The following SLC5A10 variants were observed in gnomAD, a reference collection of about 807,000 sequenced individuals.
The protein encoded by SLC5A10 is solute carrier family 5 member 10, also known as sodium/mannose cotransporter SLC5A10.
A neutral mutation model predicts 68.9 loss-of-function variants in SLC5A10; 55 were observed. That is an observed-to-expected ratio of 0.80 (90% CI 0.64 to 1.00). The LOEUF (loss-of-function observed/expected upper bound fraction) is 1.00, where lower values mean the gene tolerates loss of function less well. Among genes scored for constraint, SLC5A10 ranks in the 50% least tolerant of loss-of-function variants. The pLI is 0.00. For missense variants in SLC5A10, 732 were observed against 819.3 expected (o/e 0.89, Z 1.30); for synonymous variants, 344 against 344.8 (o/e 1.00, Z 0.02).
At chr17:18,990,685 G>C (rs2043395809) in intron 9 of SLC5A10, among the ~76,000 whole-genome samples, 1 of 152,220 alleles carries the variant, frequency 6.6e-6, no homozygotes. Context: ...ACTCCAAAAT[G>C]GATCCCCCCA....
intron 8 of SLC5A10, among the ~76,000 whole-genome samples, chr17:18,973,306 C>A (rs1250013801): frequency 6.6e-6 from 1 of 152,210 alleles, no homozygotes; most frequent in Non-Finnish European, 1.5e-5. Flanking sequence ...CATGTCCTGG[C>A]CTTGGGGTCA....
rs145851589 is a variant in SLC5A10, at chr17:18,959,143, C to T, written c.192C>T (p.Ala64=). The T allele has an allele frequency of 1.5e-5, 24 of 1,610,174 alleles. No homozygotes were observed. The African/African-American group carries it at 2.5e-4, about 17-fold the overall frequency. Residue 64 remains alanine, a synonymous_variant, in exon 3 of 15, where the codon GCC becomes GCT. Transcript: ENST00000395645. ...GRDMTWWPIG[A]SLFASSEGSG... ...CCCTTTCTCTCCTCCAGATTGGAGC[C>T]TCCCTCTTCGCCAGCAGCGAGGGCT...
intron 4 of SLC5A10, 43 bp downstream of exon 4, chr17:18,959,706 G>T (rs2042574315): frequency 1.3e-6 from 2 of 1,594,494 alleles, no homozygotes; most frequent in Non-Finnish European, 1.7e-6. Flanking sequence ...GCTGGGCCTT[G>T]GTCCAAGTTG....
At chr17:19,016,266 G>A (rs1192961525) in intron 11 of SLC5A10, among the ~76,000 whole-genome samples, 4 of 152,024 alleles carry the variant, frequency 2.6e-5, no homozygotes, top group Non-Finnish European at 5.9e-5. Flanking sequence ...GGCTGGTCTC[G>A]AACTCCTGAC....
Position 19,017,204 on chromosome 17 carries a change from C to G in SLC5A10, c.1241+2005C>G. ...CACCCTCTCTGGGCCCCAGTTCTCT[C>G]AGCTGCCAGCTGGATAGAGCAGAAA... On this transcript the variant is annotated intron_variant, in intron 11 of 14. Coordinates refer to ENST00000395645, the MANE Select transcript of SLC5A10 (RefSeq NM_001042450.4). The surrounding 1 kb of genome is among the most constrained non-coding windows in gnomAD (Gnocchi z 5.6). The G allele has an allele frequency of 7.6e-7, 1 of 1,315,114 alleles. No individual in the cohort carries two copies. The highest frequency in any genetic ancestry group is 1.1e-6 in the Non-Finnish European group (1 of 938,912). 81.5% of individuals were successfully genotyped at this position (1,315,114 alleles called of 1,614,324 possible).
In SLC5A10 at chr17:19,003,346, C is replaced by A. The variant is rs2043780490; in HGVS notation, c.983-10064C>A. ...GGAACCCTACCCTGCAAAGAAACTGCGGATCCCCACGAAGGTGGGGAGGAA... is the reference window on the plus strand; with the variant it reads ...GGAACCCTACCCTGCAAAGAAACTGAGGATCCCCACGAAGGTGGGGAGGAA... On this transcript the variant is annotated intron_variant, in intron 9 of 14. Transcript: ENST00000395645. This position sits in a 1 kb window ranked among gnomAD's most constrained non-coding sequence, Gnocchi z 4.5. 6.6e-6 allele frequency among the ~76,000 whole-genome samples: 1 copy of A among 151,988 alleles called. No individual in the cohort carries two copies.
At chr17:19,005,717 C>G (rs910128815) in intron 9 of SLC5A10, among the ~76,000 whole-genome samples, 2 of 152,036 alleles carry the variant, frequency 1.3e-5, no homozygotes, top group African/African-American at 4.8e-5. Context: ...GTCCACTGCC[C>G]TGGGCAATGA....
chr17:18,952,250 G>T lies in SLC5A10; in HGVS notation c.45G>T (p.Gln15His). ...GCGACCTCCACACTCCCGGGACGCAGCTGAGCGTGGCTGACATCATCGTCA... is the reference window on the plus strand; with the variant it reads ...GCGACCTCCACACTCCCGGGACGCATCTGAGCGTGGCTGACATCATCGTCA... ...STSDLHTPGT[Q>H]LSVADIIVIT... The change falls in exon 1 of 15, where the codon CAG becomes CAT. Residue 15 changes from glutamine to histidine, a missense_variant. Physicochemically the swap from Gln to His is conservative, Grantham distance 24. Coordinates refer to ENST00000395645, the MANE Select transcript of SLC5A10 (RefSeq NM_001042450.4). 1 of 1,613,948 alleles carries T rather than the reference G, an allele frequency of 6.2e-7. No individual in the cohort carries two copies.
rs1367015482 is a variant in SLC5A10, at chr17:19,003,803, T to A, written c.983-9607T>A. 6.2e-7 allele frequency: 1 copy of A among 1,612,094 alleles called. No homozygotes were observed. Among genetic ancestry groups the A allele is most frequent in the East Asian group, 2.2e-5 (1 of 44,790 alleles). On this transcript the variant is annotated intron_variant, in intron 9 of 14. Coordinates refer to ENST00000395645, the MANE Select transcript of SLC5A10 (RefSeq NM_001042450.4). The surrounding 1 kb of genome is among the most constrained non-coding windows in gnomAD (Gnocchi z 4.5). ...CTGAGAGGGGCCCGTGCCCCGAGGGTCCTCAGAGCCCGGGTCGTACACCTC... is the reference window on the plus strand; with the variant it reads ...CTGAGAGGGGCCCGTGCCCCGAGGGACCTCAGAGCCCGGGTCGTACACCTC...
chr17:18,957,493 G>A (rs979120430), intron 1 of SLC5A10, among the ~76,000 whole-genome samples: 3 of 151,752 alleles, frequency 2.0e-5, no homozygotes, highest in South Asian at 2.1e-4. Context: ...ATTTTGAGAC[G>A]GAGCCTTGCT....
At chr17:18,997,038 T>C (rs1055667873) in intron 9 of SLC5A10, among the ~76,000 whole-genome samples, 1 of 152,202 alleles carries the variant, frequency 6.6e-6, no homozygotes, top group East Asian at 1.9e-4. Flanking sequence ...CCCTTGACAT[T>C]CATCAGCTCT....
chr17:19,021,866 C>T lies in SLC5A10; in HGVS notation c.*1435C>T, dbSNP rs769503688. 26 of 1,316,228 alleles carry T rather than the reference C, an allele frequency of 2.0e-5. No individual in the cohort carries two copies. The highest frequency in any genetic ancestry group is 6.8e-5 in the Admixed American group (2 of 29,426). The allele number at this position is 1,316,228 out of a possible 1,614,324, so 81.5% of individuals were successfully genotyped here. A position where few individuals can be genotyped will look rare whatever the true frequency, so the allele number is the denominator to read the frequency against. ...CAGTCCAAGGCCGTCCACTGAGCCCCGTGTGACTCTGACAGAGCTGGGGGT... is the reference window on the plus strand; with the variant it reads ...CAGTCCAAGGCCGTCCACTGAGCCCTGTGTGACTCTGACAGAGCTGGGGGT... On this transcript the variant is annotated 3_prime_UTR_variant, in exon 15 of 15. Coordinates refer to ENST00000395645, the MANE Select transcript of SLC5A10 (RefSeq NM_001042450.4). The surrounding 1 kb of genome is among the most constrained non-coding windows in gnomAD (Gnocchi z 4.1).
At position 18,968,054 on chromosome 17, in the gene SLC5A10, CT is replaced by C. The variant is rs1741578691; in HGVS notation, c.454-995del. ...GAGGGAGAGGTACAGGAAGCACAGGCTTTGGAGCCAGATCCCATCCTGCCTG... is the reference window on the plus strand; with the variant it reads ...GAGGGAGAGGTACAGGAAGCACAGGCTTGGAGCCAGATCCCATCCTGCCTG... On this transcript the variant is annotated intron_variant, in intron 5 of 14. Coordinates refer to ENST00000395645, the MANE Select transcript of SLC5A10 (RefSeq NM_001042450.4). This position sits in a 1 kb window ranked among gnomAD's most constrained non-coding sequence, Gnocchi z 4.1. 6.6e-6 allele frequency among the ~76,000 whole-genome samples: 1 copy of C among 152,268 alleles called. No individual in the cohort carries two copies. The highest frequency in any genetic ancestry group is 1.9e-4 in the East Asian group (1 of 5,176).
chr17:19,020,847 C>T lies in SLC5A10; in HGVS notation c.*416C>T. The T allele has an allele frequency of 5.8e-6, 1 of 172,088 alleles. No homozygotes were observed. Among genetic ancestry groups the T allele is most frequent in the South Asian group, 1.5e-4 (1 of 6,818 alleles). 10.7% of individuals were successfully genotyped at this position (172,088 alleles called of 1,614,324 possible). A position where few individuals can be genotyped will look rare whatever the true frequency, so the allele number is the denominator to read the frequency against. On this transcript the variant is annotated 3_prime_UTR_variant, in exon 15 of 15. Coordinates refer to ENST00000395645, the MANE Select transcript of SLC5A10 (RefSeq NM_001042450.4). ...GCCCCCCATTAAGGGACTGCAGCCA[C>T]CTCCAAGGGCTCCTCCCTCCACCCA... is the stretch of plus-strand genomic sequence containing the variant.
At chr17:19,001,898 A>G (rs1418081761) in intron 9 of SLC5A10, among the ~76,000 whole-genome samples, 1 of 152,136 alleles carries the variant, frequency 6.6e-6, no homozygotes, top group African/African-American at 2.4e-5. Flanking sequence ...GAACCTTGGC[A>G]CAGCAGGTCC....
chr17:18,963,492 G>A (rs1179384462), intron 5 of SLC5A10, among the ~76,000 whole-genome samples: 2 of 152,262 alleles, frequency 1.3e-5, no homozygotes, highest in Non-Finnish European at 2.9e-5. Context: ...GGGCTGCCTG[G>A]ATGAAGCAGA....
chr17:19,001,755 G>A (rs182554935), intron 9 of SLC5A10, among the ~76,000 whole-genome samples: 1 of 152,338 alleles, frequency 6.6e-6, no homozygotes, highest in Admixed American at 6.5e-5. Context: ...GGGGTCAGCA[G>A]GTGAAGTCCT....
chr17:19,000,723 G>A lies in SLC5A10; in HGVS notation c.983-12687G>A, dbSNP rs2043709335. ...CCAGGCAGAGGGATCCCCATCCTAG[G>A]CAGGGGGCAGGCAGAGTTCTCCCTA... is the stretch of plus-strand genomic sequence containing the variant. On this transcript the variant is annotated intron_variant, in intron 9 of 14. Coordinates refer to ENST00000395645, the MANE Select transcript of SLC5A10 (RefSeq NM_001042450.4). The surrounding 1 kb of genome is among the most constrained non-coding windows in gnomAD (Gnocchi z 5.2). Among the ~76,000 whole-genome samples, 1 of 152,184 alleles carries A rather than the reference G, an allele frequency of 6.6e-6. No individual in the cohort carries two copies. The highest frequency in any genetic ancestry group is 6.5e-5 in the Admixed American group (1 of 15,280).
At chr17:18,953,244 T>C (rs1237934171) in intron 1 of SLC5A10, among the ~76,000 whole-genome samples, 1 of 151,316 alleles carries the variant, frequency 6.6e-6, no homozygotes, top group East Asian at 1.9e-4. Flanking sequence ...CAAACAATTC[T>C]GCCTCAGCCT....
Sources: gnomAD v4.1 joint callset for allele counts (sites outside exome capture counted in the v4.1 genomes callset) on GRCh38, gnomAD v4.1.1 for gene constraint, Gnocchi (gnomAD v3.1) non-coding constraint, MANE v1.5 for transcripts, NCBI Gene and HGNC (gene_info 2026-07-23, HGNC 2026-07-21) for gene names.